The following CHRM2 variants were observed in gnomAD, a reference collection of about 807,000 sequenced individuals.
The protein encoded by CHRM2 is cholinergic receptor muscarinic 2.
In CHRM2, 8 loss-of-function variants were observed where a neutral mutation model predicts 25.0. The observed-to-expected ratio is 0.32, with a 90% CI of 0.19 to 0.58. The LOEUF (loss-of-function observed/expected upper bound fraction) is 0.58, where lower values mean the gene tolerates loss of function less well. Ranked by LOEUF, CHRM2 falls within the 20% of genes least tolerant of loss-of-function variation. The probability of loss-of-function intolerance (pLI) is 0.88; values close to 1 mark genes in which losing one functional copy is unlikely to be tolerated. For synonymous variants in CHRM2, 202 were observed against 205.7 expected, an observed-to-expected ratio of 0.98 and a Z score of 0.15; for missense variants, 440 against 567.1, an observed-to-expected ratio of 0.78 and a Z score of 2.28.
chr7:136,987,749 C>T (rs1802953752), intron 2 of CHRM2, among the ~76,000 whole-genome samples: 1 of 152,096 alleles, frequency 6.6e-6, no homozygotes, highest in Non-Finnish European at 1.5e-5. Flanking sequence ...AATGTGCATC[C>T]CTCCTTATTC....
At chr7:137,014,755 C>T in intron 3 of CHRM2, 65 bp from the exon 4 acceptor site, 1 of 1,001,528 alleles carries the variant, frequency 1.0e-6, no homozygotes, top group Non-Finnish European at 1.5e-6. Context: ...AAAGGAGAAA[C>T]AACATTATGT....
chr7:136,967,107 T>C (rs1476298370), intron 2 of CHRM2, among the ~76,000 whole-genome samples: 1 of 151,926 alleles, frequency 6.6e-6, no homozygotes, highest in African/African-American at 2.4e-5. Flanking sequence ...AATAGAAGAA[T>C]GTCATGGATC....
chr7:136,903,178 C>T (rs1797329905), intron 2 of CHRM2: 1 of 534,046 alleles, frequency 1.9e-6, no homozygotes, highest in African/African-American at 1.9e-5. Context: ...GGAGGCCTTG[C>T]TGGTTTGGAA....
intron 2 of CHRM2, among the ~76,000 whole-genome samples, chr7:136,883,589 G>T (rs547249549): frequency 4.6e-5 from 7 of 152,166 alleles, no homozygotes; most frequent in Non-Finnish European, 8.8e-5. Context: ...TCTATGGAAG[G>T]TTCCACATGA....
In CHRM2 at chr7:136,980,454, G is replaced by T. The variant is rs576884265; in HGVS notation, c.-124-11733G>T. On this transcript the variant is annotated intron_variant, in intron 2 of 3. Transcript: ENST00000680005. ...CTTTATTTATTTCTCTTGCCTGATT[G>T]CCCTGGTCAGAACTTCCAATACTTT... 2.7e-3 allele frequency among the ~76,000 whole-genome samples: 405 copies of T among 152,188 alleles called. 2 individuals carry two copies. The highest frequency in any genetic ancestry group is 4.6e-3 in the Non-Finnish European group (316 of 68,016).
Position 137,015,402 on chromosome 7 carries a change from G to T in CHRM2, c.537G>T (p.Gln179His). The T allele has an allele frequency of 1.2e-6, 2 of 1,613,440 alleles. No individual in the cohort carries two copies. The highest frequency in any genetic ancestry group is 1.7e-6 in the Non-Finnish European group (2 of 1,179,646). Reference protein sequence around the residue: ...RTVEDGECYIQFFSNAAVTFG... With the variant: ...RTVEDGECYIHFFSNAAVTFG... ...TGGAGGATGGGGAGTGCTACATTCA[G>T]TTTTTTTCCAATGCTGCTGTCACCT... The change falls in exon 4 of 4, where the codon CAG becomes CAT. Residue 179 changes from glutamine to histidine, a missense_variant. Physicochemically the swap from Gln to His is conservative, Grantham distance 24 (BLOSUM62 0). Transcript: ENST00000680005. This position sits in a 1 kb window ranked among gnomAD's most constrained non-coding sequence, Gnocchi z 5.1.
chr7:136,914,495 G>A (rs1797999766), intron 2 of CHRM2, among the ~76,000 whole-genome samples: 1 of 151,886 alleles, frequency 6.6e-6, no homozygotes, highest in African/African-American at 2.4e-5. Context: ...TCATGCAGGA[G>A]CATCATAACC....
At chr7:136,986,493 C>T (rs1410553744) in intron 2 of CHRM2, among the ~76,000 whole-genome samples, 1 of 152,156 alleles carries the variant, frequency 6.6e-6, no homozygotes, top group African/African-American at 2.4e-5. Context: ...GTCCTGATCA[C>T]AGTTAGTTAA....
chr7:136,906,712 GAAGGTCAGTGGTCACTTT>G (rs1210695124), intron 2 of CHRM2, among the ~76,000 whole-genome samples: 1 of 151,546 alleles, frequency 6.6e-6, no homozygotes, highest in African/African-American at 2.4e-5. Flanking sequence ...CTTCACATAT[GAAGGTCAGTGGTCACTTT>G]AAGGTCAGTG....
At chr7:136,871,430 C>A (rs1365333593) in intron 2 of CHRM2, 1 of 152,628 alleles carries the variant, frequency 6.6e-6, no homozygotes, top group Non-Finnish European at 1.5e-5. Context: ...TGCTGGGATG[C>A]GCCAGCGCTT....
At chr7:136,988,236 G>C (rs1342234164) in intron 2 of CHRM2, among the ~76,000 whole-genome samples, 2 of 151,788 alleles carry the variant, frequency 1.3e-5, no homozygotes, top group East Asian at 3.9e-4. Context: ...GAAAAGAAAG[G>C]GAAGACAAAA....
chr7:136,938,545 G>T, intron 2 of CHRM2: 2 of 921,464 alleles, frequency 2.2e-6, no homozygotes, highest in Non-Finnish European at 1.8e-6. Context: ...TGACTGCAGT[G>T]ATCCCTCCCA....
At chr7:136,976,680 C>G (rs1396028954) in intron 2 of CHRM2, among the ~76,000 whole-genome samples, 1 of 152,118 alleles carries the variant, frequency 6.6e-6, no homozygotes, top group African/African-American at 2.4e-5. Flanking sequence ...TTTTGAGGGA[C>G]TAGACATTAG....
rs1805342012 is a variant in CHRM2, at chr7:137,019,735, AG to A, written c.*3470del. On this transcript the variant is annotated 3_prime_UTR_variant, in exon 4 of 4. Transcript: ENST00000680005. ...CGCCAGCTCCCAAGTATTAGGGCAG[AG>A]TAATCAATATGAGAAGCCACAACGG... 1 of 151,920 alleles carries A rather than the reference AG, an allele frequency of 6.6e-6. No homozygotes were observed. Among genetic ancestry groups the A allele is most frequent in the African/African-American group, 2.4e-5 (1 of 41,416 alleles). 9.4% of individuals were successfully genotyped at this position (151,920 alleles called of 1,614,324 possible).
chr7:136,883,730 G>A (rs1796354380), intron 2 of CHRM2, among the ~76,000 whole-genome samples: 1 of 152,062 alleles, frequency 6.6e-6, no homozygotes, highest in Non-Finnish European at 1.5e-5. Flanking sequence ...CTGTTTCCCT[G>A]ATGTTTTACA....
intron 2 of CHRM2, among the ~76,000 whole-genome samples, chr7:136,970,782 C>T (rs1224832259): frequency 6.6e-6 from 1 of 152,104 alleles, no homozygotes; most frequent in Non-Finnish European, 1.5e-5. Context: ...CTCTTTTCAC[C>T]TCTCTTTTTG....
rs757243972 is a variant in CHRM2 at position 136,994,521 on chromosome 7, C to CTTTTTTTTTTTTTT, written c.-47+2270_-47+2283dup. On this transcript the variant is annotated intron_variant, in intron 3 of 3. Coordinates refer to ENST00000680005, the MANE Select transcript of CHRM2 (RefSeq NM_001006630.2). ...GTGCTTTCTGCTCTTTTTTTCTTTT[C>CTTTTTTTTTTTTTT]TTTTTTTTTTTTTTTTTTTTTTTTT... is the stretch of plus-strand genomic sequence containing the variant. Among the ~76,000 whole-genome samples, 59 of 71,344 alleles carry CTTTTTTTTTTTTTT rather than the reference C, an allele frequency of 8.3e-4. 2 individuals carry two copies. Among genetic ancestry groups the CTTTTTTTTTTTTTT allele is most frequent in the African/African-American group, 1.1e-3 (19 of 17,602 alleles). The allele number at this position is 71,344 out of a possible 152,430, so 46.8% of individuals were successfully genotyped here.
At chr7:136,872,750 A>G (rs892061565) in intron 2 of CHRM2, among the ~76,000 whole-genome samples, 3 of 152,212 alleles carry the variant, frequency 2.0e-5, no homozygotes, top group Non-Finnish European at 4.4e-5. Context: ...AACAAGTACA[A>G]AAGAGGGAGA....
chr7:136,892,075 A>G (rs1182076904), intron 2 of CHRM2, among the ~76,000 whole-genome samples: 1 of 152,224 alleles, frequency 6.6e-6, no homozygotes, highest in Non-Finnish European at 1.5e-5. Context: ...GGTTGAGTGG[A>G]TGGACCAATC....
Sources: allele counts gnomAD v4.1 joint callset (sites outside exome capture counted in the v4.1 genomes callset), GRCh38; gene constraint gnomAD v4.1.1; non-coding constraint Gnocchi (gnomAD v3.1); transcripts MANE v1.5; gene names NCBI Gene and HGNC (gene_info 2026-07-23, HGNC 2026-07-21).